Variants in CCDC66 observed in about 807,000 individuals in gnomAD.
CCDC66 encodes coiled-coil domain-containing protein 66.
In CCDC66, 133 loss-of-function variants were observed where a neutral mutation model predicts 128.3. That is an observed-to-expected ratio of 1.04 (90% confidence interval 0.90 to 1.20). The LOEUF (loss-of-function observed/expected upper bound fraction) is 1.20, where lower values mean the gene tolerates loss of function less well. Ranked by LOEUF, CCDC66 falls within the 50% of genes most tolerant of loss-of-function variation. CCDC66 has a pLI of 0.00. For synonymous variants in CCDC66, 387 were observed against 357.0 expected (o/e 1.08, Z -0.95); for missense variants, 1,126 against 1,075.5 (o/e 1.05, Z -0.66).
At chr3:56,571,437 A>C (rs989846247) in intron 7 of CCDC66, 135 bp downstream of exon 7, 4 of 556,318 alleles carry the variant, frequency 7.2e-6, no homozygotes, top group Non-Finnish European at 1.2e-5. Context: ...GCTGGAATGC[A>C]GTGGCACAGT....
At chr3:56,596,520 T>A (rs1364208908) in intron 10 of CCDC66, among the ~76,000 whole-genome samples, 1 of 150,980 alleles carries the variant, frequency 6.6e-6, no homozygotes, top group Non-Finnish European at 1.5e-5. Context: ...TATTGAATAT[T>A]CAAACTACTG....
Position 56,615,212 on chromosome 3 carries a change from A to G in CCDC66, c.1651A>G (p.Arg551Gly), listed in dbSNP as rs1380120091. Residue 551 changes from arginine to glycine, a missense_variant, in exon 12 of 18, where the codon AGA becomes GGA. Transcript: ENST00000394672. The part of the protein sequence containing the change: ...ELAQRLKQEQ[R>G]IRELAQKGHD... The stretch of plus-strand genomic sequence containing the variant: ...GGCACAGAGACTAAAACAAGAACAA[A>G]GAATCCGAGAATTGGCGCAAAAGGG... The G allele has an allele frequency of 5.0e-6, 8 of 1,614,084 alleles. No homozygotes were observed.
rs199936575 is a variant in CCDC66 at position 56,619,843 on chromosome 3, T to C, written c.2702T>C (p.Met901Thr). 2.2e-5 allele frequency: 35 copies of C among 1,614,110 alleles called. No homozygotes were observed. The Admixed American group carries it at 3.3e-4, about 15-fold the overall frequency. ...CVRDPLLNPN[M>T]VKNRDRQQAI... ...AGGGATCCACTTCTTAATCCTAACA[T>C]GGTGAAAAATAGGGATCGACAGCAA... Residue 901 changes from methionine to threonine, a missense_variant, in exon 17 of 18, where the codon ATG becomes ACG. By Grantham distance (81) the Met-to-Thr change is moderately conservative. Coordinates refer to ENST00000394672, the MANE Select transcript of CCDC66 (RefSeq NM_001141947.3).
intron 12 of CCDC66, 126 bp from the exon 13 acceptor site, chr3:56,615,796 G>A: frequency 2.8e-6 from 2 of 712,636 alleles, no homozygotes; most frequent in Non-Finnish European, 4.2e-6. Context: ...GGTACTTTTT[G>A]TAAGAAAATT....
intron 3 of CCDC66, 72 bp downstream of exon 3, chr3:56,559,666 T>G (rs2064844993): frequency 2.6e-6 from 3 of 1,152,822 alleles, no homozygotes; most frequent in Non-Finnish European, 3.7e-6. Flanking sequence ...GGTTAGAAAA[T>G]AATTCCTGGG....
chr3:56,602,633 A>G lies in CCDC66; in HGVS notation c.1404+8605A>G, dbSNP rs536218958. 5.0e-4 allele frequency among the ~76,000 whole-genome samples: 76 copies of G among 151,842 alleles called. 2 individuals are homozygous for G. The South Asian group carries it at 0.015, about 31-fold the overall frequency. ...GACTTCTTTTGGTTGGTAGGCTATT[A>G]ATTATTGCCTCAATTTCAGACCTGG... is the stretch of plus-strand genomic sequence containing the variant. On this transcript the variant is annotated intron_variant, in intron 10 of 17. Transcript: ENST00000394672.
chr3:56,593,895 G>T (rs897723511), intron 9 of CCDC66, 49 bp from the exon 10 acceptor site: 1 of 1,598,290 alleles, frequency 6.3e-7, no homozygotes, highest in Non-Finnish European at 8.6e-7. Flanking sequence ...TTAGCTTGTT[G>T]AATCTACCTT....
chr3:56,572,762 T>G (rs557181970), intron 7 of CCDC66: 1 of 156,690 alleles, frequency 6.4e-6, no homozygotes, highest in African/African-American at 2.4e-5. Flanking sequence ...CTGTTCTGCT[T>G]CATGTAGAGC....
At position 56,617,197 on chromosome 3, in the gene CCDC66, T is replaced by G; in HGVS notation, c.1929T>G (p.Pro643=). The change falls in exon 14 of 18, where the codon CCT becomes CCG. Residue 643 remains proline (P), a synonymous_variant. Coordinates refer to ENST00000394672, the MANE Select transcript of CCDC66 (RefSeq NM_001141947.3). ...MERDITNCSS[P]EISAELIGQF... is the part of the protein sequence containing the mutation. ...GGGACATCACAAATTGTTCATCTCCTGAGATTTCGGCAGAACTTATTGGAC... is the reference window on the plus strand; with the variant it reads ...GGGACATCACAAATTGTTCATCTCCGGAGATTTCGGCAGAACTTATTGGAC... The G allele has an allele frequency of 1.9e-6, 3 of 1,613,586 alleles. No homozygotes were observed. Among genetic ancestry groups the G allele is most frequent in the Non-Finnish European group, 2.5e-6 (3 of 1,179,822 alleles).
At position 56,564,262 on chromosome 3, in the gene CCDC66, T is replaced by C. The variant is rs1347411863; in HGVS notation, c.544+137T>C. The C allele has an allele frequency of 2.0e-5, 13 of 638,754 alleles. No homozygotes were observed. The East Asian group carries it at 3.7e-4, about 18-fold the overall frequency. The allele number at this position is 638,754 out of a possible 1,614,324, so 39.6% of individuals were successfully genotyped here. On this transcript the variant is annotated intron_variant, in intron 4 of 17. Coordinates refer to ENST00000394672, the MANE Select transcript of CCDC66 (RefSeq NM_001141947.3). ...TCAATCTATTAAAATAATTGTTCTT[T>C]TAGAGGACTTTCTCTAATATGCAAA...
At chr3:56,617,963 T>C (rs777984204) in intron 14 of CCDC66, 33 of 595,780 alleles carry the variant, frequency 5.5e-5, no homozygotes, top group Non-Finnish European at 9.5e-5. Context: ...CCCTTGTTTA[T>C]AGTCCACATA....
chr3:56,590,414 CTG>C (rs1577636673), intron 7 of CCDC66, among the ~76,000 whole-genome samples: 1 of 152,142 alleles, frequency 6.6e-6, no homozygotes, highest in African/African-American at 2.4e-5. Flanking sequence ...CATTAGGACT[CTG>C]TAACATCAGG....
intron 1 of CCDC66, 25 bp downstream of exon 1, chr3:56,557,278 G>A: frequency 1.3e-6 from 2 of 1,550,722 alleles, no homozygotes; most frequent in Non-Finnish European, 1.7e-6. Flanking sequence ...GCTGGGGTAA[G>A]CTGGGGTAAG....
intron 12 of CCDC66, 101 bp from the exon 13 acceptor site, chr3:56,615,821 C>G (rs1328261219): frequency 1.0e-6 from 1 of 1,000,416 alleles, no homozygotes; most frequent in South Asian, 1.7e-5. Context: ...TTGCAGTGTT[C>G]ATTCTGATTA....
At chr3:56,569,433 C>T in intron 6 of CCDC66, 1 of 210,336 alleles carries the variant, frequency 4.8e-6, no homozygotes, top group South Asian at 5.7e-5. Context: ...AAGAGAGATG[C>T]CAGGCTCTTT....
In CCDC66 at chr3:56,597,776, G is replaced by GTTTTTTTTTTTTTTTTTTTTTTTTTTT. The variant is rs753875788; in HGVS notation, c.1404+3748_1404+3749insTTTTTTTTTTTTTTTTTTTTTTTTTTT. Among the ~76,000 whole-genome samples the GTTTTTTTTTTTTTTTTTTTTTTTTTTT allele has an allele frequency of 1.2e-3, 77 of 61,828 alleles. 14 individuals carry two copies. Among genetic ancestry groups the GTTTTTTTTTTTTTTTTTTTTTTTTTTT allele is most frequent in the African/African-American group, 4.3e-3 (60 of 13,806 alleles). The allele number at this position is 61,828 out of a possible 152,430, so 40.6% of individuals were successfully genotyped here. A position where few individuals can be genotyped will look rare whatever the true frequency, so the allele number is the denominator to read the frequency against. On this transcript the variant is annotated intron_variant, in intron 10 of 17. Transcript: ENST00000394672. ...TTGTGGAGTCTAGGTTTTGTTTTGG[G>GTTTTTTTTTTTTTTTTTTTTTTTTTTT]GTTTTTTTTTTTTTTTGAGACAGAG...
At chr3:56,581,452 TA>T (rs2068355720) in intron 7 of CCDC66, among the ~76,000 whole-genome samples, 1 of 151,884 alleles carries the variant, frequency 6.6e-6, no homozygotes, top group Non-Finnish European at 1.5e-5. Flanking sequence ...GTTCCATTGC[TA>T]GTGAGGAGCT....
intron 7 of CCDC66, among the ~76,000 whole-genome samples, chr3:56,580,963 TA>T (rs1480840531): frequency 6.6e-6 from 1 of 151,902 alleles, no homozygotes; most frequent in East Asian, 2.0e-4. Flanking sequence ...CCTGCCTTGC[TA>T]GGTTGGGGAA....
chr3:56,564,563 T>G (rs988607316), intron 4 of CCDC66, among the ~76,000 whole-genome samples: 2 of 152,214 alleles, frequency 1.3e-5, no homozygotes, highest in African/African-American at 4.8e-5. Context: ...TTACTCTTCC[T>G]GTTCCTCATT....
Sources: allele counts gnomAD v4.1 joint callset (sites outside exome capture counted in the v4.1 genomes callset), GRCh38; gene constraint gnomAD v4.1.1; transcripts MANE v1.5; gene names NCBI Gene and HGNC (gene_info 2026-07-23, HGNC 2026-07-21).